Variants in LRFN5 observed in about 807,000 individuals in gnomAD.
The protein encoded by LRFN5 is leucine-rich repeat and fibronectin type-III domain-containing protein 5.
Under a neutral mutation model 45.6 loss-of-function variants are expected in LRFN5, and 24 were observed. The observed-to-expected ratio is 0.53, with a 90% CI of 0.38 to 0.74. The LOEUF (loss-of-function observed/expected upper bound fraction) is 0.74. LRFN5 is among the 30% of genes least tolerant of loss of function. The pLI is 0.00. For synonymous variants in LRFN5, 340 were observed against 313.8 expected (o/e 1.08, Z -0.88); for missense variants, 776 against 861.5 (o/e 0.90, Z 1.24).
chr14:41,617,741 C>G (rs964584378), intron 1 of LRFN5, among the ~76,000 whole-genome samples: 1 of 152,098 alleles, frequency 6.6e-6, no homozygotes, highest in African/African-American at 2.4e-5. Flanking sequence ...GATTTGCCCT[C>G]TTTAATTTTC....
chr14:41,658,309 T>C (rs1880472882), intron 1 of LRFN5, among the ~76,000 whole-genome samples: 1 of 151,940 alleles, frequency 6.6e-6, no homozygotes, highest in African/African-American at 2.4e-5. Context: ...AAAAGAAAAT[T>C]AAGCTATAAT....
At chr14:41,705,258 T>C (rs1048877132) in intron 1 of LRFN5, among the ~76,000 whole-genome samples, 9 of 152,272 alleles carry the variant, frequency 5.9e-5, no homozygotes, top group Non-Finnish European at 1.3e-4. Flanking sequence ...GTTGCTTTCT[T>C]AGAGACAACA....
At chr14:41,711,534 C>A (rs930146890) in intron 1 of LRFN5, among the ~76,000 whole-genome samples, 1 of 152,062 alleles carries the variant, frequency 6.6e-6, no homozygotes, top group Non-Finnish European at 1.5e-5. Context: ...TTCAAATCTC[C>A]CCATCATGTA....
At chr14:41,831,484 A>G (rs1888479161) in intron 2 of LRFN5, among the ~76,000 whole-genome samples, 1 of 152,194 alleles carries the variant, frequency 6.6e-6, no homozygotes, top group South Asian at 2.1e-4. Flanking sequence ...TGTAAAATAT[A>G]CACACAGCGT....
intron 2 of LRFN5, among the ~76,000 whole-genome samples, chr14:41,859,510 C>T (rs969181610): frequency 1.1e-4 from 16 of 152,192 alleles, no homozygotes; most frequent in African/African-American, 3.6e-4. Context: ...TAAACTCTTT[C>T]TTGCCTCATG....
chr14:41,867,376 G>T (rs765976900), intron 2 of LRFN5, among the ~76,000 whole-genome samples: 1 of 152,066 alleles, frequency 6.6e-6, no homozygotes, highest in Non-Finnish European at 1.5e-5. Flanking sequence ...GGAGGGTTAT[G>T]TGTGTGCATG....
intron 1 of LRFN5, among the ~76,000 whole-genome samples, chr14:41,626,292 G>A (rs556206747): frequency 1.6e-4 from 25 of 152,086 alleles, no homozygotes; most frequent in Non-Finnish European, 2.6e-4. Context: ...ATATGTATGT[G>A]CCAACTAAGA....
intron 2 of LRFN5, among the ~76,000 whole-genome samples, chr14:41,813,071 T>C (rs1887790763): frequency 6.6e-6 from 1 of 152,204 alleles, no homozygotes; most frequent in South Asian, 2.1e-4. Context: ...GCTGTATTCC[T>C]AATACTGATT....
intron 1 of LRFN5, among the ~76,000 whole-genome samples, chr14:41,686,084 C>G (rs75725266): frequency 6.6e-6 from 1 of 151,968 alleles, no homozygotes; most frequent in African/African-American, 2.4e-5. Context: ...GACATTGATT[C>G]GTCCTAGACA....
At chr14:41,627,596 T>A (rs1888377587) in intron 1 of LRFN5, among the ~76,000 whole-genome samples, 1 of 152,156 alleles carries the variant, frequency 6.6e-6, no homozygotes, top group Admixed American at 6.5e-5. Flanking sequence ...AAATGAAATT[T>A]CCATTCCACT....
intron 1 of LRFN5, among the ~76,000 whole-genome samples, chr14:41,745,769 C>T (rs769315566): frequency 8.9e-5 from 13 of 146,430 alleles, no homozygotes; most frequent in Non-Finnish European, 1.4e-4. Context: ...AATAACCCTA[C>T]ATGAAATGAC....
At chr14:41,844,449 A>AT (rs888831613) in intron 2 of LRFN5, among the ~76,000 whole-genome samples, 15 of 151,764 alleles carry the variant, frequency 9.9e-5, no homozygotes, top group East Asian at 5.8e-4. Context: ...AAAAAAAAAA[A>AT]ATATGTATAT....
At chr14:41,668,721 G>GT (rs1359097513) in intron 1 of LRFN5, among the ~76,000 whole-genome samples, 4 of 152,072 alleles carry the variant, frequency 2.6e-5, no homozygotes, top group African/African-American at 9.7e-5. Flanking sequence ...ATTAGAATTA[G>GT]TAAGTCTCAG....
At chr14:41,741,208 G>A (rs996260883) in intron 1 of LRFN5, among the ~76,000 whole-genome samples, 9 of 148,782 alleles carry the variant, frequency 6.0e-5, no homozygotes, top group African/African-American at 2.2e-4. Context: ...CACAGAAATA[G>A]AATAAAAGTC....
intron 1 of LRFN5, among the ~76,000 whole-genome samples, chr14:41,759,818 C>T (rs1160802318): frequency 2.0e-5 from 3 of 152,142 alleles, no homozygotes; most frequent in Non-Finnish European, 4.4e-5. Flanking sequence ...TTCACTGTGA[C>T]AATTAAGCAT....
At chr14:41,729,197 C>A (rs936471490) in intron 1 of LRFN5, among the ~76,000 whole-genome samples, 1 of 152,196 alleles carries the variant, frequency 6.6e-6, no homozygotes, top group African/African-American at 2.4e-5. Context: ...GGGGTCAGAT[C>A]CCTTGTGAAT....
At chr14:41,685,986 T>C (rs920442563) in intron 1 of LRFN5, among the ~76,000 whole-genome samples, 2 of 152,174 alleles carry the variant, frequency 1.3e-5, no homozygotes, top group Non-Finnish European at 2.9e-5. Context: ...AAAATAGTTT[T>C]TTCTAATTCT....
intron 2 of LRFN5, among the ~76,000 whole-genome samples, chr14:41,851,795 T>G (rs1341855805): frequency 6.6e-6 from 1 of 151,882 alleles, no homozygotes; most frequent in African/African-American, 2.4e-5. Context: ...TGTTTCAGTC[T>G]AAGCATTAAC....
intron 2 of LRFN5, among the ~76,000 whole-genome samples, chr14:41,831,993 C>T (rs1441850799): frequency 1.3e-5 from 2 of 152,102 alleles, no homozygotes; most frequent in East Asian, 3.9e-4. Flanking sequence ...CTTTCTCTTC[C>T]ACTTCTTATA....
Sources: allele counts gnomAD v4.1 joint callset (sites outside exome capture counted in the v4.1 genomes callset), GRCh38; gene constraint gnomAD v4.1.1; transcripts MANE v1.5; gene names NCBI Gene and HGNC (gene_info 2026-07-23, HGNC 2026-07-21).